Variants in GABRB1 observed in about 807,000 individuals in gnomAD.
The protein encoded by GABRB1 is gamma-aminobutyric acid type A receptor subunit beta1.
Under a neutral mutation model 51.6 loss-of-function variants are expected in GABRB1, and 17 were observed. The observed-to-expected ratio is 0.33, with a 90% CI of 0.23 to 0.49. GABRB1 has a LOEUF of 0.49. Among genes scored for constraint, GABRB1 ranks in the 20% least tolerant of loss-of-function variants. The pLI is 0.99. For missense variants in GABRB1, 410 were observed against 600.6 expected, an observed-to-expected ratio of 0.68 and a Z score of 3.32; for synonymous variants, 247 against 218.9, an observed-to-expected ratio of 1.13 and a Z score of -1.14.
At chr4:46,997,699 G>T (rs1283744292) in intron 1 of GABRB1, among the ~76,000 whole-genome samples, 2 of 151,848 alleles carry the variant, frequency 1.3e-5, no homozygotes, top group Non-Finnish European at 2.9e-5. Flanking sequence ...CTTTTACAAA[G>T]CTGTACATAT....
intron 3 of GABRB1, among the ~76,000 whole-genome samples, chr4:47,054,498 T>C (rs965968495): frequency 6.6e-6 from 1 of 152,200 alleles, no homozygotes; most frequent in African/African-American, 2.4e-5. Context: ...TGAAGATCAA[T>C]GGGTAATGCC....
At position 47,148,931 on chromosome 4, in the gene GABRB1, G is replaced by A. The variant is rs17599802; in HGVS notation, c.241-12318G>A. ...GGCAACAGATAAAAGCTATGTCCTA[G>A]GAGGAAAACCTTTTGTGCTTGCGGC... On this transcript the variant is annotated intron_variant, in intron 3 of 8. Coordinates refer to ENST00000295454, the MANE Select transcript of GABRB1 (RefSeq NM_000812.4). 9.0e-3 allele frequency among the ~76,000 whole-genome samples: 1,362 copies of A among 152,102 alleles called. 63 individuals are homozygous for A. The highest frequency in any genetic ancestry group is 0.072 in the Admixed American group (1,100 of 15,250).
At chr4:47,418,357 G>A (rs1386334642) in intron 8 of GABRB1, among the ~76,000 whole-genome samples, 1 of 152,216 alleles carries the variant, frequency 6.6e-6, no homozygotes, top group Non-Finnish European at 1.5e-5. Context: ...TGCAGGGCTT[G>A]CTGGAAACTT....
At chr4:47,316,407 G>A (rs552487596) in intron 4 of GABRB1, among the ~76,000 whole-genome samples, 7 of 151,826 alleles carry the variant, frequency 4.6e-5, no homozygotes, top group South Asian at 2.1e-4. Flanking sequence ...AGCATATGAC[G>A]GGATTTCATT....
intron 5 of GABRB1, among the ~76,000 whole-genome samples, chr4:47,388,410 G>A (rs1193312388): frequency 6.6e-6 from 1 of 152,146 alleles, no homozygotes; most frequent in African/African-American, 2.4e-5. Flanking sequence ...GGGTCGAAAT[G>A]GAGTAGGGAG....
At chr4:47,033,811 C>T (rs1398188520) in intron 3 of GABRB1, among the ~76,000 whole-genome samples, 1 of 152,122 alleles carries the variant, frequency 6.6e-6, no homozygotes, top group East Asian at 1.9e-4. Context: ...ATTTAAAATA[C>T]TATTTGTAAA....
At chr4:47,175,009 T>C (rs1340884489) in intron 4 of GABRB1, among the ~76,000 whole-genome samples, 1 of 144,384 alleles carries the variant, frequency 6.9e-6, no homozygotes, top group Admixed American at 6.9e-5. Context: ...CCTTCCTCTC[T>C]CTTCCTTCTT....
intron 3 of GABRB1, among the ~76,000 whole-genome samples, chr4:47,136,059 T>C (rs1716635814): frequency 6.6e-6 from 1 of 152,102 alleles, no homozygotes. Flanking sequence ...AACACAATCA[T>C]AGCTCACTGA....
At chr4:47,248,305 A>G (rs1837883) in intron 4 of GABRB1, among the ~76,000 whole-genome samples, 97,802 of 151,938 alleles carry the variant, frequency 0.64, 31,908 homozygotes, top group South Asian at 0.82. Flanking sequence ...AATTCTGTCA[A>G]TGTGGTGTAT....
intron 1 of GABRB1, among the ~76,000 whole-genome samples, chr4:47,010,004 C>A (rs965367940): frequency 5.9e-5 from 9 of 152,322 alleles, no homozygotes; most frequent in African/African-American, 2.2e-4. Flanking sequence ...AGCTGTGCAA[C>A]TCTGTGCAGA....
intron 4 of GABRB1, among the ~76,000 whole-genome samples, chr4:47,241,873 T>A (rs867622192): frequency 2.0e-5 from 3 of 152,118 alleles, no homozygotes; most frequent in Non-Finnish European, 4.4e-5. Flanking sequence ...TTTTATCATT[T>A]CTTTTTATTT....
intron 1 of GABRB1, among the ~76,000 whole-genome samples, chr4:47,013,735 A>AT (rs1437774645): frequency 6.6e-6 from 1 of 152,030 alleles, no homozygotes; most frequent in Non-Finnish European, 1.5e-5. Context: ...CCTAGATTCT[A>AT]TTTTTTGTTA....
chr4:47,342,383 T>C (rs1415616247), intron 5 of GABRB1, among the ~76,000 whole-genome samples: 1 of 136,726 alleles, frequency 7.3e-6, no homozygotes, highest in Non-Finnish European at 1.7e-5. Flanking sequence ...ACAAAAGACA[T>C]GAGGCACCCC....
chr4:47,082,294 T>G lies in GABRB1; in HGVS notation c.240+49810T>G, dbSNP rs372545049. On this transcript the variant is annotated intron_variant, in intron 3 of 8. Coordinates refer to ENST00000295454, the MANE Select transcript of GABRB1 (RefSeq NM_000812.4). ...AAATATAACTTTGAAAAATAAAAGATAATTTTAAAAATGAATTCCATAAAA... is the reference window on the plus strand; with the variant it reads ...AAATATAACTTTGAAAAATAAAAGAGAATTTTAAAAATGAATTCCATAAAA... 9.3e-4 allele frequency among the ~76,000 whole-genome samples: 141 copies of G among 152,142 alleles called. 4 individuals are homozygous for G. In the South Asian group the frequency reaches 0.028, roughly 31 times the overall value.
intron 4 of GABRB1, among the ~76,000 whole-genome samples, chr4:47,194,575 T>A (rs552979132): frequency 6.6e-6 from 1 of 152,350 alleles, no homozygotes; most frequent in East Asian, 1.9e-4. Context: ...GCAAATACTA[T>A]TTTTCCCATG....
chr4:47,419,257 G>A (rs1729024005), intron 8 of GABRB1, among the ~76,000 whole-genome samples: 1 of 152,188 alleles, frequency 6.6e-6, no homozygotes, highest in Admixed American at 6.5e-5. Context: ...AGGAAAGTGT[G>A]CGCCAGCCAG....
chr4:47,329,885 T>C (rs1725410581), intron 5 of GABRB1, among the ~76,000 whole-genome samples: 1 of 151,922 alleles, frequency 6.6e-6, no homozygotes, highest in Non-Finnish European at 1.5e-5. Context: ...AAGACAGATT[T>C]ATTATAAGGA....
rs201725273 is a variant in GABRB1, at chr4:47,405,557, A to G, written c.836-1125A>G. Among the ~76,000 whole-genome samples the G allele has an allele frequency of 4.6e-5, 7 of 152,288 alleles. No individual in the cohort carries two copies. The East Asian group carries it at 1.3e-3, about 29-fold the overall frequency. ...TTTGACCCTAGCTGGGTGGCCTAAA[A>G]CAAAATAATTAATCTCAGATTTTCT... On this transcript the variant is annotated intron_variant, in intron 7 of 8. Coordinates refer to ENST00000295454, the MANE Select transcript of GABRB1 (RefSeq NM_000812.4).
chr4:47,296,427 A>G (rs1723995909), intron 4 of GABRB1, among the ~76,000 whole-genome samples: 1 of 152,184 alleles, frequency 6.6e-6, no homozygotes, highest in Non-Finnish European at 1.5e-5. Flanking sequence ...TACCAAGCAA[A>G]TGGAAAACGA....
Sources: gnomAD v4.1 joint callset for allele counts (sites outside exome capture counted in the v4.1 genomes callset) on GRCh38, gnomAD v4.1.1 for gene constraint, MANE v1.5 for transcripts, NCBI Gene and HGNC (gene_info 2026-07-23, HGNC 2026-07-21) for gene names.